Variants in PADI4 observed in about 807,000 individuals in gnomAD.
PADI4 encodes protein-arginine deiminase type-4.
Under a neutral mutation model 75.0 loss-of-function variants are expected in PADI4, and 62 were observed. That is an observed-to-expected ratio of 0.83 (90% confidence interval 0.67 to 1.02). PADI4 has a LOEUF of 1.02. Ranked by LOEUF, PADI4 falls within the 50% of genes least tolerant of loss-of-function variation. The probability of loss-of-function intolerance (pLI) is 0.00; values close to 1 mark genes in which losing one functional copy is unlikely to be tolerated. For synonymous variants in PADI4, 361 were observed against 348.1 expected, an observed-to-expected ratio of 1.04 and a Z score of -0.41; for missense variants, 845 against 850.5, an observed-to-expected ratio of 0.99 and a Z score of 0.08.
In PADI4 at chr1:17,352,017, G is replaced by A. The variant is rs2074650888; in HGVS notation, c.1156-2516G>A. 1.1e-3 allele frequency among the ~76,000 whole-genome samples: 12 copies of A among 10,468 alleles called. 1 individual carries two copies. The highest frequency in any genetic ancestry group is 4.6e-3 in the African/African-American group (7 of 1,526). 6.9% of individuals were successfully genotyped at this position (10,468 alleles called of 152,430 possible). On this transcript the variant is annotated intron_variant, in intron 10 of 15. Coordinates refer to ENST00000375448, the MANE Select transcript of PADI4 (RefSeq NM_012387.3). ...AGTCAGGGAGGTGATGGGAGGAGAG[G>A]CGGCCAGGGAGGTGATGGGAGGAGA...
chr1:17,341,223 C>T (rs556548029), intron 6 of PADI4, among the ~76,000 whole-genome samples: 7 of 152,030 alleles, frequency 4.6e-5, no homozygotes, highest in South Asian at 4.2e-4. Context: ...CTCAGCCTCC[C>T]GAGTAGCTGT....
intron 1 of PADI4, among the ~76,000 whole-genome samples, chr1:17,329,530 G>A (rs989568508): frequency 6.6e-6 from 1 of 152,020 alleles, no homozygotes; most frequent in African/African-American, 2.4e-5. Context: ...TATATTTACT[G>A]TTCATTAAGT....
At chr1:17,354,013 A>G (rs1570090369) in intron 10 of PADI4, among the ~76,000 whole-genome samples, 1 of 151,732 alleles carries the variant, frequency 6.6e-6, no homozygotes, top group East Asian at 1.9e-4. Flanking sequence ...GTCGAGGCAG[A>G]TGGATCACTT....
intron 1 of PADI4, among the ~76,000 whole-genome samples, chr1:17,311,525 C>CTT (rs563562288): frequency 0.34 from 49,547 of 145,230 alleles, 8,369 homozygotes; most frequent in African/African-American, 0.37. Flanking sequence ...TCTCCTTCTT[C>CTT]TTTTTTTTTT....
intron 1 of PADI4, among the ~76,000 whole-genome samples, chr1:17,316,804 C>T (rs1014063637): frequency 2.0e-5 from 3 of 152,106 alleles, no homozygotes; most frequent in Admixed American, 1.3e-4. Flanking sequence ...TGCCCCGCGC[C>T]CAGCTTCTAT....
At chr1:17,328,239 G>C (rs2074147191) in intron 1 of PADI4, among the ~76,000 whole-genome samples, 1 of 152,048 alleles carries the variant, frequency 6.6e-6, no homozygotes, top group Non-Finnish European at 1.5e-5. Context: ...GCCCAGGCTG[G>C]TCTCAAACTC....
intron 1 of PADI4, among the ~76,000 whole-genome samples, chr1:17,312,874 T>TA (rs1297884000): frequency 1.3e-5 from 2 of 149,326 alleles, no homozygotes; most frequent in South Asian, 4.2e-4. Context: ...TTTTTTTTTT[T>TA]AATCTTTGTA....
At chr1:17,349,934 T>C (rs1179224248) in intron 10 of PADI4, among the ~76,000 whole-genome samples, 1 of 122,494 alleles carries the variant, frequency 8.2e-6, no homozygotes, top group African/African-American at 2.6e-5. Context: ...GGTCTTTGCA[T>C]ATGCCGTTCC....
chr1:17,312,019 A>C (rs575275811), intron 1 of PADI4, among the ~76,000 whole-genome samples: 10 of 152,346 alleles, frequency 6.6e-5, no homozygotes, highest in Admixed American at 3.3e-4. Flanking sequence ...CAAATCAAAG[A>C]AAATGACTAA....
rs1343776879 is a variant in PADI4 at position 17,350,996 on chromosome 1, G to A, written c.1155+2948G>A. Reference sequence around the variant, plus strand: ...GAACCCAGGAGTTTGAGACCAGACTGGGCAACATAATGAGACCTTGTCCCT... The same window carrying A: ...GAACCCAGGAGTTTGAGACCAGACTAGGCAACATAATGAGACCTTGTCCCT... On this transcript the variant is annotated intron_variant, in intron 10 of 15. Transcript: ENST00000375448. 2.5e-5 allele frequency among the ~76,000 whole-genome samples: 3 copies of A among 118,712 alleles called. 1 individual carries two copies. Among genetic ancestry groups the A allele is most frequent in the Non-Finnish European group, 5.7e-5 (3 of 52,500 alleles). The allele number at this position is 118,712 out of a possible 152,430, so 77.9% of individuals were successfully genotyped here.
At chr1:17,341,282 G>C (rs1262252695) in intron 6 of PADI4, among the ~76,000 whole-genome samples, 2 of 152,174 alleles carry the variant, frequency 1.3e-5, no homozygotes, top group South Asian at 4.1e-4. Flanking sequence ...TGTGTTTTTA[G>C]TAGAGATGGG....
chr1:17,331,000 A>G lies in PADI4; in HGVS notation c.124A>G (p.Ile42Val), dbSNP rs1371117096. ...SAPEDCTSFS[I>V]NASPGVVVDI... ...CCCTGAGGACTGCACGTCCTTCAGC[A>G]TCAACGCCTCCCCAGGGGTGGTCGT... is the stretch of plus-strand genomic sequence containing the variant. The change falls in exon 2 of 16, where the codon ATC becomes GTC. Residue 42 changes from isoleucine (I) to valine (V), a missense_variant. By Grantham distance (29) the Ile-to-Val change is conservative (BLOSUM62 3). Transcript: ENST00000375448. 1.4e-5 allele frequency: 22 copies of G among 1,595,132 alleles called. No individual in the cohort carries two copies. The South Asian group carries it at 2.3e-4, about 16-fold the overall frequency.
intron 10 of PADI4, 109 bp from the exon 11 acceptor site, chr1:17,354,424 G>A (rs770428205): frequency 9.0e-6 from 8 of 888,168 alleles, no homozygotes; most frequent in South Asian, 1.4e-5. Flanking sequence ...AGCTGTAGAC[G>A]GTACTGAGTT....
At chr1:17,330,207 A>G (rs1480598910) in intron 1 of PADI4, among the ~76,000 whole-genome samples, 1 of 152,148 alleles carries the variant, frequency 6.6e-6, no homozygotes, top group Non-Finnish European at 1.5e-5. Flanking sequence ...CAAACCCTTC[A>G]GGTCAGGGGA....
At position 17,356,519 on chromosome 1, in the gene PADI4, G is replaced by C. The variant is rs955302875; in HGVS notation, c.1558+60G>C. ...ACCTTCCTGCTTCCCATAGTCCGCT[G>C]TTGCCTGGAGGGAATCATCCAGGCA... On this transcript the variant is annotated intron_variant, in intron 13 of 15. Coordinates refer to ENST00000375448, the MANE Select transcript of PADI4 (RefSeq NM_012387.3). This position sits in a 1 kb window ranked among gnomAD's most constrained non-coding sequence, Gnocchi z 4.1. 3 of 1,004,864 alleles carry C rather than the reference G, an allele frequency of 3.0e-6. No homozygotes were observed. The highest frequency in any genetic ancestry group is 4.6e-6 in the Non-Finnish European group (3 of 648,424). 62.2% of individuals were successfully genotyped at this position (1,004,864 alleles called of 1,614,324 possible). A position where few individuals can be genotyped will look rare whatever the true frequency, so the allele number is the denominator to read the frequency against.
At chr1:17,352,568 G>A (rs1402680856) in intron 10 of PADI4, among the ~76,000 whole-genome samples, 1 of 152,150 alleles carries the variant, frequency 6.6e-6, no homozygotes, top group African/African-American at 2.4e-5. Flanking sequence ...TGAGATTCCG[G>A]CTATGTCTGG....
At position 17,308,242 on chromosome 1, in the gene PADI4, T is replaced by C. The variant is rs1172726333; in HGVS notation, c.20T>C (p.Ile7Thr). MAQGTL[I>T]RVTPEQPTHA... Reference sequence around the variant, plus strand: ...CCGACGATGGCCCAGGGGACATTGATCCGTGTGACCCCAGAGCAGCCCACC... The same window carrying C: ...CCGACGATGGCCCAGGGGACATTGACCCGTGTGACCCCAGAGCAGCCCACC... Residue 7 changes from isoleucine (I) to threonine (T), a missense_variant, in exon 1 of 16, where the codon ATC becomes ACC. Coordinates refer to ENST00000375448, the MANE Select transcript of PADI4 (RefSeq NM_012387.3). 6.2e-7 allele frequency: 1 copy of C among 1,614,028 alleles called. No homozygotes were observed. Among genetic ancestry groups the C allele is most frequent in the Admixed American group, 1.7e-5 (1 of 60,006 alleles).
rs149638922 is a variant in PADI4 at position 17,327,748 on chromosome 1, G to A, written c.93-3221G>A. ...TTTAGTAGAGACTGGCTTTTGCCAC[G>A]TTGGCCAGGCCGGTCTCAAACTCCT... On this transcript the variant is annotated intron_variant, in intron 1 of 15. Coordinates refer to ENST00000375448, the MANE Select transcript of PADI4 (RefSeq NM_012387.3). Among the ~76,000 whole-genome samples, 893 of 151,776 alleles carry A rather than the reference G, an allele frequency of 5.9e-3. 6 individuals carry two copies. The highest frequency in any genetic ancestry group is 0.021 in the African/African-American group (857 of 41,406).
chr1:17,341,083 C>G (rs1334668117), intron 6 of PADI4, among the ~76,000 whole-genome samples: 1 of 150,522 alleles, frequency 6.6e-6, no homozygotes, highest in Non-Finnish European at 1.5e-5. Context: ...TTACAGACAC[C>G]ATGCCCAGCC....
Sources: allele counts gnomAD v4.1 joint callset (sites outside exome capture counted in the v4.1 genomes callset), GRCh38; gene constraint gnomAD v4.1.1; non-coding constraint Gnocchi (gnomAD v3.1); transcripts MANE v1.5; gene names NCBI Gene and HGNC (gene_info 2026-07-23, HGNC 2026-07-21).